Variants in SPIDR observed in about 807,000 individuals in gnomAD.
SPIDR encodes scaffold protein involved in DNA repair.
SPIDR carries 93 observed loss-of-function variants against 104.6 expected under a neutral mutation model. That is an observed-to-expected ratio of 0.89 (90% CI 0.75 to 1.06). SPIDR has a LOEUF of 1.06. Among genes scored for constraint, SPIDR ranks in the 50% least tolerant of loss-of-function variants. The pLI, the probability that SPIDR is intolerant of heterozygous loss-of-function variation, is 0.00. For synonymous variants in SPIDR, 431 were observed against 416.9 expected, an observed-to-expected ratio of 1.03 and a Z score of -0.41; for missense variants, 1,154 against 1,111.2, an observed-to-expected ratio of 1.04 and a Z score of -0.55.
chr8:47,342,135 T>C (rs2050871219), intron 5 of SPIDR, among the ~76,000 whole-genome samples: 2 of 152,060 alleles, frequency 1.3e-5, no homozygotes, highest in Admixed American at 1.3e-4. Context: ...TTTGTCTAGT[T>C]TGGGAGACAT....
At chr8:47,316,889 T>C (rs1310739437) in intron 5 of SPIDR, among the ~76,000 whole-genome samples, 1 of 152,210 alleles carries the variant, frequency 6.6e-6, no homozygotes, top group African/African-American at 2.4e-5. Flanking sequence ...ATTCTTGTTA[T>C]TGATGTTCAT....
intron 5 of SPIDR, among the ~76,000 whole-genome samples, chr8:47,316,006 T>TA (rs1332828944): frequency 6.6e-6 from 1 of 152,114 alleles, no homozygotes; most frequent in Non-Finnish European, 1.5e-5. Flanking sequence ...TTCTTCAAAA[T>TA]AAAAAACTTC....
chr8:47,688,016 AGTGTGT>A (rs141582845), intron 11 of SPIDR, among the ~76,000 whole-genome samples: 2,740 of 145,746 alleles, frequency 0.019, 84 homozygotes, highest in African/African-American at 0.065. Context: ...AAAAAAAAAA[AGTGTGT>A]GTGTGTGTGT....
At chr8:47,326,151 C>T (rs1275746334) in intron 5 of SPIDR, among the ~76,000 whole-genome samples, 2 of 152,100 alleles carry the variant, frequency 1.3e-5, no homozygotes, top group African/African-American at 2.4e-5. Context: ...CATGCCACCA[C>T]GTCCTGCTCG....
At chr8:47,564,357 A>G (rs970092865) in intron 8 of SPIDR, among the ~76,000 whole-genome samples, 12 of 151,532 alleles carry the variant, frequency 7.9e-5, no homozygotes, top group African/African-American at 2.2e-4. Flanking sequence ...GATTACAGGC[A>G]TGAGCCACCA....
At chr8:47,396,040 C>T (rs755062789) in intron 5 of SPIDR, among the ~76,000 whole-genome samples, 42 of 152,158 alleles carry the variant, frequency 2.8e-4, no homozygotes, top group Non-Finnish European at 4.3e-4. Flanking sequence ...GATCATCAGC[C>T]TTTCAGATGA....
chr8:47,322,651 G>T (rs1563614683), intron 5 of SPIDR, among the ~76,000 whole-genome samples: 1 of 152,066 alleles, frequency 6.6e-6, no homozygotes, highest in Non-Finnish European at 1.5e-5. Context: ...ATGTTTATTG[G>T]GGGACTATTC....
Position 47,735,550 on chromosome 8 carries a change from C to T in SPIDR, c.*100C>T, listed in dbSNP as rs753620996. On this transcript the variant is annotated 3_prime_UTR_variant, in exon 20 of 20. Transcript: ENST00000297423. Reference sequence around the variant, plus strand: ...ATTTGTTAACTATGGACACAGTGAACGTAGTTTACGATCTTGAAATGAAAC... The same window carrying T: ...ATTTGTTAACTATGGACACAGTGAATGTAGTTTACGATCTTGAAATGAAAC... 6.3e-6 allele frequency: 10 copies of T among 1,576,538 alleles called. No individual in the cohort carries two copies. The highest frequency in any genetic ancestry group is 8.6e-6 in the Non-Finnish European group (10 of 1,159,058).
intron 14 of SPIDR, among the ~76,000 whole-genome samples, chr8:47,709,884 C>G (rs2081602947): frequency 9.5e-6 from 1 of 105,504 alleles, no homozygotes; most frequent in Non-Finnish European, 1.7e-5. Context: ...GAAATATTCA[C>G]CAATTTTTTT....
chr8:47,274,256 A>C (rs1297311286), intron 1 of SPIDR, among the ~76,000 whole-genome samples: 1 of 152,158 alleles, frequency 6.6e-6, no homozygotes, highest in Admixed American at 6.6e-5. Context: ...TTTTTTCTTC[A>C]ATCATTGATT....
At chr8:47,352,804 C>G (rs1373894184) in intron 5 of SPIDR, among the ~76,000 whole-genome samples, 1 of 151,948 alleles carries the variant, frequency 6.6e-6, no homozygotes, top group African/African-American at 2.4e-5. Context: ...TGGCTCACGC[C>G]TGTAATCTCA....
At chr8:47,631,075 A>T (rs2067000642) in intron 10 of SPIDR, among the ~76,000 whole-genome samples, 1 of 152,200 alleles carries the variant, frequency 6.6e-6, no homozygotes, top group African/African-American at 2.4e-5. Flanking sequence ...AGAGACAGCG[A>T]TGAAGAGGCT....
chr8:47,314,114 T>A (rs2044784907), intron 5 of SPIDR, among the ~76,000 whole-genome samples: 1 of 152,188 alleles, frequency 6.6e-6, no homozygotes, highest in Non-Finnish European at 1.5e-5. Flanking sequence ...ATGACTGCTG[T>A]GTATAAAGGA....
At chr8:47,718,765 CTTT>C (rs908877546) in intron 16 of SPIDR, among the ~76,000 whole-genome samples, 1 of 151,338 alleles carries the variant, frequency 6.6e-6, no homozygotes, top group South Asian at 2.1e-4. Flanking sequence ...TGGCAGGATT[CTTT>C]TTTTTTCCCC....
Position 47,672,707 on chromosome 8 carries a change from A to G in SPIDR, c.1545-1094A>G, listed in dbSNP as rs545276669. Among the ~76,000 whole-genome samples the G allele has an allele frequency of 5.3e-5, 8 of 152,234 alleles. No individual in the cohort carries two copies. In the South Asian group the frequency reaches 1.7e-3, roughly 31 times the overall value. On this transcript the variant is annotated intron_variant, in intron 10 of 19. Transcript: ENST00000297423. Reference sequence around the variant, plus strand: ...CTATATTTTCTATTCATTAATTCTAATATCTCAAGTCCCCAGCAGGTCTGG... The same window carrying G: ...CTATATTTTCTATTCATTAATTCTAGTATCTCAAGTCCCCAGCAGGTCTGG...
intron 5 of SPIDR, among the ~76,000 whole-genome samples, chr8:47,324,493 G>A (rs1274261752): frequency 1.3e-5 from 2 of 152,186 alleles, no homozygotes; most frequent in African/African-American, 4.8e-5. Context: ...TCTGTGCTGT[G>A]AAGTGAAATT....
At chr8:47,263,001 T>C (rs2032914769) in intron 1 of SPIDR, among the ~76,000 whole-genome samples, 1 of 152,230 alleles carries the variant, frequency 6.6e-6, no homozygotes, top group African/African-American at 2.4e-5. Flanking sequence ...CTGCAGAACT[T>C]ATCCTGTGTT....
At chr8:47,572,673 AAAATAAATAAAT>A (rs56105115) in intron 8 of SPIDR, among the ~76,000 whole-genome samples, 47 of 145,874 alleles carry the variant, frequency 3.2e-4, no homozygotes, top group South Asian at 1.3e-3. Context: ...AAATTAAATT[AAAATAAATAAAT>A]AAATAAATAA....
intron 8 of SPIDR, among the ~76,000 whole-genome samples, chr8:47,478,744 T>C (rs548743192): frequency 7.9e-5 from 12 of 152,330 alleles, no homozygotes; most frequent in African/African-American, 2.9e-4. Flanking sequence ...GCTCATAAAG[T>C]GTAATTGCTG....
Sources: allele counts gnomAD v4.1 joint callset (sites outside exome capture counted in the v4.1 genomes callset), GRCh38; gene constraint gnomAD v4.1.1; transcripts MANE v1.5; gene names NCBI Gene and HGNC (gene_info 2026-07-23, HGNC 2026-07-21).